The following SASH1 variants were observed in gnomAD, a reference collection of about 807,000 sequenced individuals.
The protein encoded by SASH1 is SAM and SH3 domain-containing protein 1.
In SASH1, 44 loss-of-function variants were observed where a neutral mutation model predicts 125.2. That is an observed-to-expected ratio of 0.35 (90% CI 0.28 to 0.45). The LOEUF (loss-of-function observed/expected upper bound fraction) is 0.45, where lower values mean the gene tolerates loss of function less well. Ranked by LOEUF, SASH1 falls within the 20% of genes least tolerant of loss-of-function variation. The pLI is 1.00. For missense variants in SASH1, 1,426 were observed against 1,614.5 expected (o/e 0.88, Z 2.00); for synonymous variants, 639 against 649.1 (o/e 0.98, Z 0.24).
chr6:148,261,210 C>T, the SASH1 span, among the ~76,000 whole-genome samples: 2 of 152,168 alleles, frequency 1.3e-5, no homozygotes, highest in Admixed American at 1.3e-4. Flanking sequence ...CATAGCAAAT[C>T]CCTAGATAGA....
intron 4 of SASH1, among the ~76,000 whole-genome samples, chr6:148,448,113 AGAGTGTGTGTGT>A (rs1279081301): frequency 2.3e-5 from 3 of 133,202 alleles, no homozygotes; most frequent in Non-Finnish European, 3.2e-5. Context: ...TGCAGTGGAG[AGAGTGTGTGTGT>A]GTGTGTGTGT....
At chr6:148,445,029 C>A (rs1300215884) in intron 4 of SASH1, among the ~76,000 whole-genome samples, 1 of 152,210 alleles carries the variant, frequency 6.6e-6, no homozygotes, top group Non-Finnish European at 1.5e-5. Flanking sequence ...CACCTGTAAA[C>A]TGTCATGGTG....
the SASH1 span, among the ~76,000 whole-genome samples, chr6:148,224,146 A>T: frequency 6.6e-6 from 1 of 152,144 alleles, no homozygotes; most frequent in Non-Finnish European, 1.5e-5. Flanking sequence ...ATTTTAAAAA[A>T]TTAGCCAGGT....
rs1052081598 is a variant in SASH1, at chr6:148,322,870, T to C, written n.74+50493T>C. On this transcript the variant is annotated intron_variant and non_coding_transcript_variant, in intron 1 of 3. Coordinates refer to the SASH1 transcript ENST00000367469. Reference sequence around the variant, plus strand: ...CGTGACCACCCATCCAAATCATCTTTCTTTCTTTCTTTCTTTTTCTTCTTT... The same window carrying C: ...CGTGACCACCCATCCAAATCATCTTCCTTTCTTTCTTTCTTTTTCTTCTTT... 3.4e-5 allele frequency among the ~76,000 whole-genome samples: 4 copies of C among 116,412 alleles called. No homozygotes were observed. In the East Asian group the frequency reaches 9.4e-4, roughly 27 times the overall value. The allele number at this position is 116,412 out of a possible 152,430, so 76.4% of individuals were successfully genotyped here.
intron 2 of SASH1, 48 bp downstream of exon 2, chr6:148,390,310 A>G (rs537332090): frequency 3.6e-5 from 57 of 1,582,040 alleles, no homozygotes; most frequent in South Asian, 2.7e-4. Flanking sequence ...AGCTGCTCCA[A>G]TTTGGGCTTT....
At chr6:148,299,561 G>T (rs1473362216) in intron 1 of SASH1, among the ~76,000 whole-genome samples, 1 of 151,616 alleles carries the variant, frequency 6.6e-6, no homozygotes, top group Non-Finnish European at 1.5e-5. Flanking sequence ...CAGCTACTCG[G>T]GGGGCTCAGG....
rs1385219207 is a variant in SASH1 at position 148,549,994 on chromosome 6, G to GAGAC, written c.*1439_*1442dup. The GAGAC allele has an allele frequency of 6.5e-6, 1 of 153,782 alleles. No individual in the cohort carries two copies. Among genetic ancestry groups the GAGAC allele is most frequent in the African/African-American group, 2.4e-5 (1 of 41,480 alleles). The allele number at this position is 153,782 out of a possible 1,614,324, so 9.5% of individuals were successfully genotyped here. ...CCAGCTAATTTTTGTATTATTAGTA[G>GAGAC]AGACAGGGTTTCACCATGTTGGCCA... On this transcript the variant is annotated 3_prime_UTR_variant, in exon 20 of 20. Coordinates refer to ENST00000367467, the MANE Select transcript of SASH1 (RefSeq NM_015278.5).
intron 8 of SASH1, among the ~76,000 whole-genome samples, chr6:148,501,419 G>A (rs1779556000): frequency 6.6e-6 from 1 of 152,146 alleles, no homozygotes; most frequent in African/African-American, 2.4e-5. Context: ...TGGCAGTCCT[G>A]TTCTGAATCA....
chr6:148,362,588 G>A (rs913877180), intron 1 of SASH1, among the ~76,000 whole-genome samples: 4 of 151,390 alleles, frequency 2.6e-5, no homozygotes, highest in Non-Finnish European at 4.4e-5. Context: ...GGGTGAGGGT[G>A]TGGTCGTATG....
At chr6:148,363,493 C>A (rs1782329968) in intron 1 of SASH1, among the ~76,000 whole-genome samples, 2 of 151,908 alleles carry the variant, frequency 1.3e-5, no homozygotes, top group African/African-American at 4.8e-5. Flanking sequence ...CCTGCACCTC[C>A]CAGATTCAAG....
intron 2 of SASH1, among the ~76,000 whole-genome samples, chr6:148,425,424 A>G (rs2473560): frequency 0.45 from 69,039 of 151,900 alleles, 15,805 homozygotes; most frequent in South Asian, 0.67. Context: ...AAAAAAGGTT[A>G]AAACAATTTT....
chr6:148,349,261 T>C (rs7748413), intron 1 of SASH1, among the ~76,000 whole-genome samples: 9 of 119,540 alleles, frequency 7.5e-5, no homozygotes, highest in African/African-American at 2.6e-4. Context: ...TCTTTTTTTT[T>C]TTTTTTTTTT....
At chr6:148,452,049 C>T (rs976763079) in intron 4 of SASH1, among the ~76,000 whole-genome samples, 16 of 152,338 alleles carry the variant, frequency 1.1e-4, no homozygotes, top group African/African-American at 3.6e-4. Flanking sequence ...ATGTGTCCTT[C>T]TGTGCCCAGC....
chr6:148,519,195 A>C lies in SASH1; in HGVS notation c.863-352A>C, dbSNP rs974872809. 6.6e-6 allele frequency among the ~76,000 whole-genome samples: 1 copy of C among 152,212 alleles called. No homozygotes were observed. Among genetic ancestry groups the C allele is most frequent in the African/African-American group, 2.4e-5 (1 of 41,444 alleles). ...AGAAGGGGGAAAGATCCTGATTCCT[A>C]GTTTCAGAGGGTTGCATTTACAAAC... On this transcript the variant is annotated intron_variant, in intron 9 of 19. Transcript: ENST00000367467. This position sits in a 1 kb window ranked among gnomAD's most constrained non-coding sequence, Gnocchi z 4.8.
chr6:148,231,739 TA>T, the SASH1 span, among the ~76,000 whole-genome samples: 3,348 of 152,158 alleles, frequency 0.022, 121 homozygotes, highest in African/African-American at 0.076. Context: ...TTAATACAAC[TA>T]AACTCATTCA....
chr6:148,340,646 G>A (rs1333569204), upstream of SASH1, among the ~76,000 whole-genome samples: 1 of 152,014 alleles, frequency 6.6e-6, no homozygotes, highest in Non-Finnish European at 1.5e-5. Context: ...AGCCTTAACT[G>A]AATTTATTTT....
At chr6:148,438,746 A>C (rs1466492244) in intron 2 of SASH1, among the ~76,000 whole-genome samples, 20 of 108,968 alleles carry the variant, frequency 1.8e-4, no homozygotes, top group East Asian at 1.0e-3. Context: ...AAAAAAAAAA[A>C]CCAAAACAAA....
chr6:148,474,041 G>A (rs1384936847), intron 6 of SASH1, 69 bp from the exon 7 acceptor site: 1 of 933,062 alleles, frequency 1.1e-6, no homozygotes, highest in South Asian at 1.4e-5. Flanking sequence ...GACAGCAGAT[G>A]TTCCGCATTG....
intron 2 of SASH1, among the ~76,000 whole-genome samples, chr6:148,421,169 G>GAA (rs373547444): frequency 8.0e-6 from 1 of 124,936 alleles, no homozygotes; most frequent in South Asian, 2.6e-4. Flanking sequence ...AAGAAAGAAA[G>GAA]AAAGAAAGAA....
Sources: gnomAD v4.1 joint callset for allele counts (sites outside exome capture counted in the v4.1 genomes callset) on GRCh38, gnomAD v4.1.1 for gene constraint, Gnocchi (gnomAD v3.1) non-coding constraint, MANE v1.5 for transcripts, NCBI Gene and HGNC (gene_info 2026-07-23, HGNC 2026-07-21) for gene names.